KCNH7: variants seen among roughly 807,000 people sequenced by gnomAD.
The protein encoded by KCNH7 is potassium voltage-gated channel subfamily H member 7.
In KCNH7, 49 loss-of-function variants were observed where a neutral mutation model predicts 120.8. The observed-to-expected ratio is 0.41, with a 90% confidence interval of 0.32 to 0.51. The LOEUF (loss-of-function observed/expected upper bound fraction) is 0.51. Ranked by LOEUF, KCNH7 falls within the 20% of genes least tolerant of loss-of-function variation. The probability of loss-of-function intolerance (pLI) is 0.38; values close to 1 mark genes in which losing one functional copy is unlikely to be tolerated. For synonymous variants in KCNH7, 547 were observed against 516.1 expected (o/e 1.06, Z -0.81); for missense variants, 1,097 against 1,446.6 (o/e 0.76, Z 3.92).
chr2:162,481,518 G>A (rs1689928558), intron 6 of KCNH7, among the ~76,000 whole-genome samples: 1 of 152,236 alleles, frequency 6.6e-6, no homozygotes, highest in Non-Finnish European at 1.5e-5. Context: ...AGTTCAGGAT[G>A]GTCTTATCTA....
chr2:162,580,776 A>T (rs1693839624), intron 2 of KCNH7, among the ~76,000 whole-genome samples: 1 of 152,008 alleles, frequency 6.6e-6, no homozygotes, highest in Non-Finnish European at 1.5e-5. Context: ...GAGGTTGAGA[A>T]GAGTACTTGG....
intron 2 of KCNH7, among the ~76,000 whole-genome samples, chr2:162,731,771 T>C (rs1687739439): frequency 6.6e-6 from 1 of 152,160 alleles, no homozygotes. Context: ...GGCAGAGGAA[T>C]ACAATTAGAG....
At chr2:162,622,968 T>C (rs1260305401) in intron 2 of KCNH7, among the ~76,000 whole-genome samples, 1 of 152,154 alleles carries the variant, frequency 6.6e-6, no homozygotes, top group East Asian at 1.9e-4. Context: ...TTCTATTCTA[T>C]GAACCTAATT....
chr2:162,560,607 T>C lies in KCNH7; in HGVS notation c.308-23527A>G, dbSNP rs1037154294. Among the ~76,000 whole-genome samples the C allele has an allele frequency of 5.9e-5, 9 of 152,318 alleles. No homozygotes were observed. The East Asian group carries it at 7.7e-4, about 13-fold the overall frequency. ...TATGTGCAATAGTCAAGGTTAAAAGTTTTATGTCTTTGAATGAGTGATGCC... is the reference window on the plus strand; with the variant it reads ...TATGTGCAATAGTCAAGGTTAAAAGCTTTATGTCTTTGAATGAGTGATGCC... On this transcript the variant is annotated intron_variant, in intron 2 of 15. Transcript: ENST00000332142.
intron 2 of KCNH7, among the ~76,000 whole-genome samples, chr2:162,687,196 A>G (rs994343940): frequency 1.1e-4 from 17 of 152,098 alleles, no homozygotes; most frequent in Admixed American, 7.2e-4. Flanking sequence ...ACTCCCTCAC[A>G]TTCACAACCT....
At chr2:162,588,681 A>G (rs1471189192) in intron 2 of KCNH7, among the ~76,000 whole-genome samples, 1 of 152,116 alleles carries the variant, frequency 6.6e-6, no homozygotes, top group Non-Finnish European at 1.5e-5. Flanking sequence ...TACTAATCAG[A>G]TCAGAGTAAT....
At chr2:162,539,439 G>T (rs1692229023) in intron 2 of KCNH7, among the ~76,000 whole-genome samples, 2 of 151,998 alleles carry the variant, frequency 1.3e-5, no homozygotes, top group East Asian at 1.9e-4. Flanking sequence ...GAGAAATCAA[G>T]AAATAAAATA....
At chr2:162,734,574 C>T (rs1450505322) in intron 2 of KCNH7, among the ~76,000 whole-genome samples, 1 of 152,078 alleles carries the variant, frequency 6.6e-6, no homozygotes, top group African/African-American at 2.4e-5. Flanking sequence ...AACATGAAAG[C>T]CCTTCCTCCC....
intron 2 of KCNH7, among the ~76,000 whole-genome samples, chr2:162,777,721 C>G (rs1428990871): frequency 6.6e-6 from 1 of 152,084 alleles, no homozygotes; most frequent in Non-Finnish European, 1.5e-5. Context: ...GAAGCACTTA[C>G]CAACAGCCTT....
chr2:162,678,160 G>A (rs1685589816), intron 2 of KCNH7, among the ~76,000 whole-genome samples: 1 of 151,304 alleles, frequency 6.6e-6, no homozygotes, highest in African/African-American at 2.4e-5. Flanking sequence ...ATTGACAGAT[G>A]CCTATTTCTA....
At chr2:162,513,317 CTT>C in intron 4 of KCNH7, among the ~76,000 whole-genome samples, 1 of 144,984 alleles carries the variant, frequency 6.9e-6, no homozygotes, top group African/African-American at 2.5e-5. Context: ...CTCCTTCCTT[CTT>C]TCCTTCCTTC....
intron 10 of KCNH7, among the ~76,000 whole-genome samples, chr2:162,399,530 C>A (rs1687010938): frequency 6.6e-6 from 1 of 151,804 alleles, no homozygotes; most frequent in African/African-American, 2.4e-5. Flanking sequence ...TCTCTCCACA[C>A]CTCACGACAG....
chr2:162,447,573 A>C (rs967194813), intron 6 of KCNH7, among the ~76,000 whole-genome samples: 1 of 152,146 alleles, frequency 6.6e-6, no homozygotes, highest in African/African-American at 2.4e-5. Flanking sequence ...AATTTCACTG[A>C]GTACATTTCC....
chr2:162,428,567 T>C (rs945833107), intron 8 of KCNH7, among the ~76,000 whole-genome samples: 33 of 152,038 alleles, frequency 2.2e-4, no homozygotes, highest in Middle Eastern at 6.8e-3. Flanking sequence ...ATTTAAGTTT[T>C]CTATATTTTT....
At chr2:162,513,287 C>T (rs904336817) in intron 4 of KCNH7, among the ~76,000 whole-genome samples, 7 of 122,010 alleles carry the variant, frequency 5.7e-5, no homozygotes, top group East Asian at 6.0e-4. Flanking sequence ...CCCTCCTTCC[C>T]TCCTTCCTTC....
intron 2 of KCNH7, among the ~76,000 whole-genome samples, chr2:162,762,980 C>A (rs1420870795): frequency 6.6e-6 from 1 of 152,002 alleles, no homozygotes; most frequent in Non-Finnish European, 1.5e-5. Flanking sequence ...ATAACACATT[C>A]ATCATGTCAT....
chr2:162,667,026 T>C (rs1258555275), intron 2 of KCNH7, among the ~76,000 whole-genome samples: 1 of 148,608 alleles, frequency 6.7e-6, no homozygotes, highest in South Asian at 2.1e-4. Context: ...TTCTTTTTTT[T>C]TTTTTTTTTT....
intron 2 of KCNH7, among the ~76,000 whole-genome samples, chr2:162,785,836 C>T (rs1683680153): frequency 6.6e-6 from 1 of 152,156 alleles, no homozygotes; most frequent in African/African-American, 2.4e-5. Flanking sequence ...TGCTACTTAG[C>T]ATCTCCTGAG....
chr2:162,617,007 A>G (rs1683160320), intron 2 of KCNH7, among the ~76,000 whole-genome samples: 2 of 151,814 alleles, frequency 1.3e-5, no homozygotes, highest in Non-Finnish European at 2.9e-5. Flanking sequence ...TAGATGGCTC[A>G]GAGTCTACAT....
Sources: gnomAD v4.1 joint callset for allele counts (sites outside exome capture counted in the v4.1 genomes callset) on GRCh38, gnomAD v4.1.1 for gene constraint, MANE v1.5 for transcripts, NCBI Gene and HGNC (gene_info 2026-07-23, HGNC 2026-07-21) for gene names.